JAK1: variants seen among roughly 807,000 people sequenced by gnomAD.
The protein encoded by JAK1 is tyrosine-protein kinase JAK1.
In JAK1, 16 loss-of-function variants were observed where a neutral mutation model predicts 136.6. The observed-to-expected ratio is 0.12, with a 90% CI of 0.08 to 0.18. The LOEUF is 0.18. JAK1 is among the 10% of genes least tolerant of loss of function. The probability of loss-of-function intolerance (pLI) is 1.00; values close to 1 mark genes in which losing one functional copy is unlikely to be tolerated. For missense variants in JAK1, 859 were observed against 1,450.1 expected, an observed-to-expected ratio of 0.59 and a Z score of 6.62; for synonymous variants, 492 against 519.5, an observed-to-expected ratio of 0.95 and a Z score of 0.72.
chr1:65,058,580 T>C, intron 1 of JAK1: 1 of 507,926 alleles, frequency 2.0e-6, no homozygotes, highest in Non-Finnish European at 4.0e-6. Flanking sequence ...AGGCTCCCCA[T>C]GAAGTGAAGG....
At chr1:64,941,664 T>A (rs1490644438) in intron 1 of JAK1, among the ~76,000 whole-genome samples, 1 of 152,202 alleles carries the variant, frequency 6.6e-6, no homozygotes, top group Non-Finnish European at 1.5e-5. Context: ...ACGGCCTACA[T>A]TTTGAAAATG....
rs776821801 is a variant in JAK1, at chr1:64,835,448, T to G, written c.3317A>C (p.Asn1106Thr). ...HGQMTVTRLV[N>T]TLKEGKRLPC... The stretch of plus-strand genomic sequence containing the variant: ...CAGGCGTTTTCCTTCTTTTAACGTA[T>G]TCACAAGTCTTGTGACTGTCATCTG... The change falls in exon 24 of 25, where the codon AAT (asparagine) becomes ACT (threonine). Residue 1106 changes from asparagine to threonine, a missense_variant. By Grantham distance (65) the Asn-to-Thr change is moderately conservative. Around this residue, in one of 4 missense-constraint regions of JAK1, gnomAD observed 53 missense variants for 64.8 expected, o/e 0.82. Transcript: ENST00000342505. The G allele has an allele frequency of 1.9e-6, 3 of 1,610,186 alleles. No individual in the cohort carries two copies. The highest frequency in any genetic ancestry group is 2.5e-6 in the Non-Finnish European group (3 of 1,178,930).
At chr1:64,872,515 G>T (rs981684180) in intron 5 of JAK1, among the ~76,000 whole-genome samples, 1 of 152,012 alleles carries the variant, frequency 6.6e-6, no homozygotes, top group Non-Finnish European at 1.5e-5. Context: ...AATTTCTTAC[G>T]TATTATCTAT....
At chr1:65,032,254 C>T (rs1475678688) in intron 2 of JAK1, among the ~76,000 whole-genome samples, 2 of 152,204 alleles carry the variant, frequency 1.3e-5, no homozygotes, top group Non-Finnish European at 2.9e-5. Context: ...GCGTGAGCCA[C>T]CACGCCCAGC....
intron 2 of JAK1, among the ~76,000 whole-genome samples, chr1:65,038,353 C>A (rs1211639437): frequency 6.6e-6 from 1 of 151,742 alleles, no homozygotes; most frequent in Non-Finnish European, 1.5e-5. Flanking sequence ...CATGTGCCAC[C>A]ACGCCCAGCT....
intron 2 of JAK1, among the ~76,000 whole-genome samples, chr1:65,027,401 C>T (rs1020869118): frequency 1.3e-5 from 2 of 152,094 alleles, no homozygotes; most frequent in Admixed American, 1.3e-4. Context: ...CGACTGCCCT[C>T]CTCCAATTCC....
intron 2 of JAK1, among the ~76,000 whole-genome samples, chr1:64,988,942 GTATGTGTATA>G: frequency 7.0e-6 from 1 of 142,192 alleles, no homozygotes; most frequent in Admixed American, 7.1e-5. Flanking sequence ...ATATATATAT[GTATGTGTATA>G]TATATGTATG....
chr1:64,844,268 T>G lies in JAK1; in HGVS notation c.2252-53A>C. On this transcript the variant is annotated intron_variant, in intron 16 of 24. Coordinates refer to ENST00000342505, the MANE Select transcript of JAK1 (RefSeq NM_002227.4). This position sits in a 1 kb window ranked among gnomAD's most constrained non-coding sequence, Gnocchi z 5.7. ...GCAGTTTCTGGGATCTCCTAGGGAT[T>G]CAATTACTGTCACTGCAGCCAGAAC... The G allele has an allele frequency of 6.2e-7, 1 of 1,600,886 alleles. No individual in the cohort carries two copies. The highest frequency in any genetic ancestry group is 1.1e-5 in the South Asian group (1 of 90,768).
At chr1:65,019,923 A>AAAGAAG (rs536941575) in intron 2 of JAK1, among the ~76,000 whole-genome samples, 13 of 149,276 alleles carry the variant, frequency 8.7e-5, no homozygotes, top group Non-Finnish European at 8.9e-5. Context: ...CTCAAAAAAA[A>AAAGAAG]AAGAAGAAGA....
rs566601415 is a variant in JAK1 at position 64,963,672 on chromosome 1, C to G, written c.-78+2661G>C. Among the ~76,000 whole-genome samples, 14 of 152,254 alleles carry G rather than the reference C, an allele frequency of 9.2e-5. No individual in the cohort carries two copies. The East Asian group carries it at 1.4e-3, about 15-fold the overall frequency. On this transcript the variant is annotated intron_variant, in intron 1 of 24. Transcript: ENST00000342505. ...CATGCATTATTTACCTGACTTCCCC[C>G]CAAAACTCTGCGAGATGACCAGGGA...
chr1:65,047,720 A>T (rs1647200024), intron 1 of JAK1, among the ~76,000 whole-genome samples: 1 of 147,906 alleles, frequency 6.8e-6, no homozygotes, highest in Non-Finnish European at 1.5e-5. Flanking sequence ...CTTCATCTCA[A>T]AAAAAAAAAA....
At chr1:65,008,601 T>C (rs1646822453) in intron 2 of JAK1, among the ~76,000 whole-genome samples, 1 of 152,020 alleles carries the variant, frequency 6.6e-6, no homozygotes, top group Admixed American at 6.6e-5. Flanking sequence ...CAGGTTCATA[T>C]AATAAGTCCT....
At chr1:64,883,970 G>A (rs1290876535) in intron 2 of JAK1, among the ~76,000 whole-genome samples, 1 of 152,114 alleles carries the variant, frequency 6.6e-6, no homozygotes, top group Non-Finnish European at 1.5e-5. Flanking sequence ...AGCATGGTGA[G>A]GGCATGAACC....
chr1:64,950,956 CA>C (rs1646074977), intron 1 of JAK1, among the ~76,000 whole-genome samples: 1 of 152,164 alleles, frequency 6.6e-6, no homozygotes, highest in Non-Finnish European at 1.5e-5. Context: ...GAGGTATTCT[CA>C]GGTGACTTCA....
In JAK1 at chr1:64,986,001, A is replaced by C. The variant is rs112487719; in HGVS notation, c.-78+58479T>G. ...CCTTATGATCATCTCAGGAGCATTG[A>C]TGACCCCAGTGTTGTAGCCAAATTG... On this transcript the variant is annotated intron_variant, in intron 2 of 25. Transcript: ENST00000671954. 5.6e-5 allele frequency: 75 copies of C among 1,333,100 alleles called. No homozygotes were observed. The African/African-American group carries it at 7.1e-4, about 13-fold the overall frequency. 82.6% of individuals were successfully genotyped at this position (1,333,100 alleles called of 1,614,324 possible). A position where few individuals can be genotyped will look rare whatever the true frequency, so the allele number is the denominator to read the frequency against.
In JAK1 at chr1:65,063,711, A is replaced by C. The variant is rs193159815; in HGVS notation, c.-181+3893T>G. 2.3e-4 allele frequency among the ~76,000 whole-genome samples: 35 copies of C among 152,032 alleles called. No homozygotes were observed. The East Asian group carries it at 5.6e-3, about 24-fold the overall frequency. On this transcript the variant is annotated intron_variant, in intron 1 of 25. Transcript: ENST00000671954. Reference sequence around the variant, plus strand: ...TCCCAGCTACTCTGGAGGCTGAGACAAGAGGATCGCTTGAACCTGGGAGGT... The same window carrying C: ...TCCCAGCTACTCTGGAGGCTGAGACCAGAGGATCGCTTGAACCTGGGAGGT...
chr1:64,994,691 C>G (rs1009876375), intron 2 of JAK1, among the ~76,000 whole-genome samples: 1 of 152,112 alleles, frequency 6.6e-6, no homozygotes, highest in African/African-American at 2.4e-5. Context: ...TTTTGGGGCA[C>G]ACATTCAAAC....
At chr1:65,052,550 T>C (rs551464414) in intron 1 of JAK1, among the ~76,000 whole-genome samples, 111 of 151,708 alleles carry the variant, frequency 7.3e-4, no homozygotes, top group African/African-American at 2.3e-3. Flanking sequence ...CAGTGGCTCA[T>C]GCCTGTAATC....
At chr1:64,840,389 T>C (rs1432746934) in intron 19 of JAK1, among the ~76,000 whole-genome samples, 2 of 152,174 alleles carry the variant, frequency 1.3e-5, no homozygotes, top group African/African-American at 2.4e-5. Context: ...ATCAAGTCTG[T>C]TTCATTAACC....
Sources: gnomAD v4.1 joint callset for allele counts (sites outside exome capture counted in the v4.1 genomes callset) on GRCh38, gnomAD v4.1.1 for gene constraint, gnomAD v4.1.1 regional missense constraint, Gnocchi (gnomAD v3.1) non-coding constraint, MANE v1.5 for transcripts, NCBI Gene and HGNC (gene_info 2026-07-23, HGNC 2026-07-21) for gene names.